TNS3: variants seen among roughly 807,000 people sequenced by gnomAD.
The protein encoded by TNS3 is tensin 3, also known as tensin-3.
In TNS3, 45 loss-of-function variants were observed where a neutral mutation model predicts 140.9. The ratio of observed to expected loss-of-function variants is 0.32; its 90% CI spans 0.25 to 0.41. The LOEUF is 0.41. Ranked by LOEUF, TNS3 falls within the 10% of genes least tolerant of loss-of-function variation. The probability of loss-of-function intolerance (pLI) is 1.00; values close to 1 mark genes in which losing one functional copy is unlikely to be tolerated. For missense variants in TNS3, 1,716 were observed against 1,906.7 expected (o/e 0.90, Z 1.86); for synonymous variants, 815 against 788.4 (o/e 1.03, Z -0.56).
At chr7:47,550,974 G>A (rs1279510526) in intron 1 of TNS3, among the ~76,000 whole-genome samples, 1 of 152,192 alleles carries the variant, frequency 6.6e-6, no homozygotes. Flanking sequence ...TGGAGTGACT[G>A]AGCACATCTC....
intron 13 of TNS3, among the ~76,000 whole-genome samples, chr7:47,402,898 G>C (rs1383757526): frequency 6.6e-6 from 1 of 152,208 alleles, no homozygotes; most frequent in Non-Finnish European, 1.5e-5. Context: ...ACAACACGAT[G>C]TCAGCTGATA....
At chr7:47,509,355 ACACTCGATTGT>A (rs1289368333) in intron 2 of TNS3, among the ~76,000 whole-genome samples, 4 of 152,330 alleles carry the variant, frequency 2.6e-5, no homozygotes, top group African/African-American at 9.6e-5. Flanking sequence ...CTAGGACTTC[ACACTCGATTGT>A]CAGCAGCATG....
rs989503938 is a variant in TNS3 at position 47,401,060 on chromosome 7, C to T, written c.724-146G>A. On this transcript the variant is annotated intron_variant, in intron 13 of 30. Coordinates refer to ENST00000311160, the MANE Select transcript of TNS3 (RefSeq NM_022748.12). ...TTCACGCTTTGGAGTGGAACTTCAGCCCTGGGGCACAGGCGCCTGCAGACA... is the reference window on the plus strand; with the variant it reads ...TTCACGCTTTGGAGTGGAACTTCAGTCCTGGGGCACAGGCGCCTGCAGACA... 16 of 1,237,288 alleles carry T rather than the reference C, an allele frequency of 1.3e-5. No homozygotes were observed. In the Admixed American group the frequency reaches 2.0e-4, roughly 16 times the overall value. 76.6% of individuals were successfully genotyped at this position (1,237,288 alleles called of 1,614,324 possible).
intron 16 of TNS3, among the ~76,000 whole-genome samples, chr7:47,394,355 A>G (rs1792703097): frequency 6.6e-6 from 1 of 152,178 alleles, no homozygotes; most frequent in Non-Finnish European, 1.5e-5. Flanking sequence ...CCCTCTCCTC[A>G]CCACCACGTG....
chr7:47,396,356 C>T (rs1432896996), intron 16 of TNS3, among the ~76,000 whole-genome samples: 1 of 152,178 alleles, frequency 6.6e-6, no homozygotes, highest in African/African-American at 2.4e-5. Flanking sequence ...AGCCATAAAT[C>T]AGGAACACTA....
Position 47,562,638 on chromosome 7 carries a change from G to C in TNS3, c.-265+19413C>G, listed in dbSNP as rs189209263. ...TGACCTCAGGTGATCTGCCGCCTTGGTCTCCCAAAGTGCTGGGATTACAGG... is the reference window on the plus strand; with the variant it reads ...TGACCTCAGGTGATCTGCCGCCTTGCTCTCCCAAAGTGCTGGGATTACAGG... On this transcript the variant is annotated intron_variant, in intron 1 of 30. Coordinates refer to ENST00000311160, the MANE Select transcript of TNS3 (RefSeq NM_022748.12). Among the ~76,000 whole-genome samples, 190 of 152,216 alleles carry C rather than the reference G, an allele frequency of 1.2e-3. 1 individual carries two copies. Among genetic ancestry groups the C allele is most frequent in the African/African-American group, 4.1e-3 (171 of 41,534 alleles).
At chr7:47,564,639 A>G (rs1207270947) in intron 1 of TNS3, among the ~76,000 whole-genome samples, 1 of 47,786 alleles carries the variant, frequency 2.1e-5, no homozygotes, top group African/African-American at 7.0e-5. Flanking sequence ...CCGTCTCAAA[A>G]AAAAAAAAAA....
At chr7:47,491,805 G>A (rs1797823016) in intron 3 of TNS3, among the ~76,000 whole-genome samples, 2 of 152,194 alleles carry the variant, frequency 1.3e-5, no homozygotes. Flanking sequence ...ATAGGCCTGA[G>A]TGGGACGGTG....
At chr7:47,562,385 C>CTTTTTTTTTTT (rs11348830) in intron 1 of TNS3, among the ~76,000 whole-genome samples, 1 of 143,942 alleles carries the variant, frequency 6.9e-6, no homozygotes. Context: ...CATCTGCTGC[C>CTTTTTTTTTTT]TTTTTTTTTT....
At chr7:47,475,063 AAC>A (rs2151759551) in intron 4 of TNS3, among the ~76,000 whole-genome samples, 1 of 150,308 alleles carries the variant, frequency 6.7e-6, no homozygotes, top group East Asian at 2.0e-4. Context: ...CACACACAAA[AAC>A]ACACCTCACG....
intron 1 of TNS3, among the ~76,000 whole-genome samples, chr7:47,578,085 G>T (rs1377622604): frequency 6.6e-6 from 1 of 151,282 alleles, no homozygotes; most frequent in Non-Finnish European, 1.5e-5. Context: ...GGCCGAGGCA[G>T]GTGGATCACC....
In TNS3 at chr7:47,396,877, C is replaced by T. The variant is rs375539119; in HGVS notation, c.947G>A (p.Gly316Asp). 2.5e-6 allele frequency: 4 copies of T among 1,614,050 alleles called. No individual in the cohort carries two copies. The African/African-American group carries it at 5.3e-5, about 22-fold the overall frequency. The change falls in exon 16 of 31, where the codon GGT becomes GAT. Residue 316 changes from glycine to aspartate, a missense_variant. Gly to Asp is a moderately conservative substitution (Grantham distance 94). Around this residue, in one of 3 missense-constraint regions of TNS3, gnomAD observed 337 missense variants for 428.9 expected, o/e 0.79. Coordinates refer to ENST00000311160, the MANE Select transcript of TNS3 (RefSeq NM_022748.12). ...QGSEHLYNDH[G>D]VIVDYNTTDP... ...TGTTGTGTTGTAGTCCACAATCACA[C>T]CGTGGTCGTTGTACAAGTGTTCGGA...
intron 1 of TNS3, among the ~76,000 whole-genome samples, chr7:47,570,988 G>A (rs1043892267): frequency 3.3e-5 from 5 of 152,162 alleles, no homozygotes; most frequent in Admixed American, 6.5e-5. Flanking sequence ...GCCTCTGGTA[G>A]TCAGCGTCCC....
chr7:47,474,936 C>T (rs1797128769), intron 4 of TNS3, among the ~76,000 whole-genome samples: 1 of 150,978 alleles, frequency 6.6e-6, no homozygotes, highest in African/African-American at 2.4e-5. Flanking sequence ...CAGGTAACAC[C>T]TCACACAATA....
In TNS3 at chr7:47,550,435, C is replaced by T. The variant is rs143063538; in HGVS notation, c.-264-21288G>A. Among the ~76,000 whole-genome samples, 92 of 152,348 alleles carry T rather than the reference C, an allele frequency of 6.0e-4. 1 individual carries two copies. The highest frequency in any genetic ancestry group is 2.2e-3 in the African/African-American group (90 of 41,578). ...CCGTCCTGTAAGGCGGTAACCTTGG[C>T]TTGCTGTCCCTCTGACCTTCACCTT... On this transcript the variant is annotated intron_variant, in intron 1 of 30. Transcript: ENST00000311160.
chr7:47,463,977 T>C (rs1156620643), intron 4 of TNS3, among the ~76,000 whole-genome samples: 1 of 152,196 alleles, frequency 6.6e-6, no homozygotes, highest in Non-Finnish European at 1.5e-5. Context: ...ATACACCTGT[T>C]ACTCTAACAT....
chr7:47,469,973 C>CA (rs144012426), intron 4 of TNS3, among the ~76,000 whole-genome samples: 43,369 of 64,930 alleles, frequency 0.67, 15,330 homozygotes, highest in Middle Eastern at 0.77. Context: ...AACTCTGTCT[C>CA]AAAAAAAAAA....
chr7:47,449,228 A>C (rs1795900701), intron 4 of TNS3, among the ~76,000 whole-genome samples: 1 of 152,208 alleles, frequency 6.6e-6, no homozygotes, highest in South Asian at 2.1e-4. Context: ...AGCTGCAGCA[A>C]ACCAAGCCTA....
At chr7:47,402,894 C>T (rs1472336758) in intron 13 of TNS3, among the ~76,000 whole-genome samples, 1 of 152,212 alleles carries the variant, frequency 6.6e-6, no homozygotes, top group Non-Finnish European at 1.5e-5. Flanking sequence ...AACAACAACA[C>T]GATGTCAGCT....
Sources: allele counts gnomAD v4.1 joint callset (sites outside exome capture counted in the v4.1 genomes callset), GRCh38; gene constraint gnomAD v4.1.1; regional missense constraint gnomAD v4.1.1; transcripts MANE v1.5; gene names NCBI Gene and HGNC (gene_info 2026-07-23, HGNC 2026-07-21).